The following CCT8 variants were observed in gnomAD, a reference collection of about 807,000 sequenced individuals.
The protein encoded by CCT8 is chaperonin containing TCP1 subunit 8, also known as T-complex protein 1 subunit theta.
CCT8 carries 10 observed loss-of-function variants against 65.7 expected under a neutral mutation model. That is an observed-to-expected ratio of 0.15 (90% CI 0.09 to 0.26). The LOEUF is 0.26. Among genes scored for constraint, CCT8 ranks in the 10% least tolerant of loss-of-function variants. The pLI is 1.00. For missense variants in CCT8, 568 were observed against 669.1 expected (o/e 0.85, Z 1.67); for synonymous variants, 199 against 221.8 (o/e 0.90, Z 0.92).
intron 13 of CCT8, 141 bp from the exon 14 acceptor site, chr21:29,060,801 T>C: frequency 1.1e-6 from 1 of 877,850 alleles, no homozygotes; most frequent in Non-Finnish European, 1.7e-6. Flanking sequence ...CATCCTTTAG[T>C]ATGTGAGGAT....
At chr21:29,068,066 T>C (rs1169225041) in intron 3 of CCT8, among the ~76,000 whole-genome samples, 1 of 152,234 alleles carries the variant, frequency 6.6e-6, no homozygotes, top group African/African-American at 2.4e-5. Context: ...AGAACTAAAA[T>C]AGATACCACT....
intron 7 of CCT8, among the ~76,000 whole-genome samples, chr21:29,064,144 C>T (rs890741950): frequency 2.6e-5 from 4 of 152,022 alleles, no homozygotes; most frequent in African/African-American, 7.2e-5. Context: ...GTTCCCAATA[C>T]AACATTGTGG....
chr21:29,061,461 GGAAA>G (rs1171790398), intron 12 of CCT8, 31 bp downstream of exon 12: 7 of 1,613,118 alleles, frequency 4.3e-6, no homozygotes, highest in African/African-American at 1.3e-5. Context: ...TTCAAGCAAT[GGAAA>G]GAAAGTCAAT....
rs985218585 is a variant in CCT8 at position 29,060,903 on chromosome 21, CCT to C, written c.1450-245_1450-244del. On this transcript the variant is annotated intron_variant, in intron 13 of 14. Coordinates refer to ENST00000286788, the MANE Select transcript of CCT8 (RefSeq NM_006585.4). ...GTGTTTGGATATAATCTATGCACAT[CCT>C]CTCATATACTTTAAATCGTCTCCAG... Among the ~76,000 whole-genome samples, 8 of 152,248 alleles carry C rather than the reference CCT, an allele frequency of 5.3e-5. No homozygotes were observed. The East Asian group carries it at 7.7e-4, about 15-fold the overall frequency.
At chr21:29,061,162 T>C in intron 13 of CCT8, 91 bp downstream of exon 13, 2 of 1,034,342 alleles carry the variant, frequency 1.9e-6, no homozygotes, top group Non-Finnish European at 2.9e-6. Context: ...CAGAACACTG[T>C]TTCTCATTGA....
intron 1 of CCT8, 182 bp downstream of exon 1, chr21:29,073,349 A>C: frequency 7.0e-7 from 1 of 1,425,416 alleles, no homozygotes; most frequent in Non-Finnish European, 9.2e-7. Context: ...GAAGAAGAGA[A>C]GTGCCCGCAG....
intron 7 of CCT8, among the ~76,000 whole-genome samples, chr21:29,064,589 T>C (rs2085601131): frequency 6.6e-6 from 1 of 152,140 alleles, no homozygotes; most frequent in Non-Finnish European, 1.5e-5. Flanking sequence ...CTTTCTAACA[T>C]GTATTTTTAG....
At chr21:29,061,617 C>T (rs1343851810) in intron 11 of CCT8, 50 bp from the exon 12 acceptor site, 2 of 1,563,202 alleles carry the variant, frequency 1.3e-6, no homozygotes, top group Admixed American at 1.7e-5. Flanking sequence ...AACAAATTCA[C>T]TAAAAATCAG....
chr21:29,065,257 A>G, intron 6 of CCT8, 152 bp from the exon 7 acceptor site: 3 of 727,304 alleles, frequency 4.1e-6, no homozygotes, highest in Admixed American at 2.7e-5. Flanking sequence ...AGTGGTGGAC[A>G]TACAGCACAC....
At chr21:29,063,273 T>C in intron 8 of CCT8, 79 bp downstream of exon 8, 3 of 1,084,376 alleles carry the variant, frequency 2.8e-6, no homozygotes, top group Non-Finnish European at 4.1e-6. Flanking sequence ...ACAGTCTTCA[T>C]GGTCTATTTC....
chr21:29,068,382 A>T (rs1601095366), intron 3 of CCT8, among the ~76,000 whole-genome samples: 1 of 152,144 alleles, frequency 6.6e-6, no homozygotes, highest in East Asian at 1.9e-4. Context: ...CACAGTGACA[A>T]ACCCTTGTAC....
chr21:29,062,999 G>A (rs535396575), intron 8 of CCT8: 4 of 330,268 alleles, frequency 1.2e-5, no homozygotes, highest in African/African-American at 8.4e-5. Context: ...GGGTTAAGTT[G>A]TCTAGTGTGC....
intron 1 of CCT8, chr21:29,072,073 C>T (rs1264119661): frequency 4.6e-6 from 3 of 649,236 alleles, no homozygotes; most frequent in Non-Finnish European, 8.3e-6. Flanking sequence ...GTCCCTGAGC[C>T]TGGCATTTCC....
chr21:29,062,066 C>T (rs2085569851), intron 11 of CCT8, 62 bp downstream of exon 11: 2 of 1,115,752 alleles, frequency 1.8e-6, no homozygotes, highest in Middle Eastern at 2.9e-4. Context: ...GCAAACTGTA[C>T]TTTTAAGACC....
chr21:29,063,144 G>A (rs557412691), intron 8 of CCT8, among the ~76,000 whole-genome samples: 3 of 152,200 alleles, frequency 2.0e-5, no homozygotes, highest in Non-Finnish European at 4.4e-5. Context: ...TCAATTATCT[G>A]GTAATTGGTT....
chr21:29,072,174 G>A (rs2085688209), intron 1 of CCT8: 1 of 563,818 alleles, frequency 1.8e-6, no homozygotes, highest in Admixed American at 3.2e-5. Flanking sequence ...ACGTCTAAGT[G>A]TTCTGTCTAT....
At chr21:29,062,830 T>G in intron 8 of CCT8, 1 of 476,766 alleles carries the variant, frequency 2.1e-6, no homozygotes, top group East Asian at 3.6e-5. Flanking sequence ...CACTTTAGGA[T>G]GTCAGTGGTT....
intron 11 of CCT8, 135 bp downstream of exon 11, chr21:29,061,993 A>C (rs1026475490): frequency 1.5e-6 from 1 of 648,460 alleles, no homozygotes; most frequent in South Asian, 2.1e-5. Flanking sequence ...GGTAAAAACA[A>C]AAACAGGTGC....
chr21:29,066,644 TGC>T, intron 6 of CCT8, 70 bp downstream of exon 6: 3 of 920,654 alleles, frequency 3.3e-6, no homozygotes, highest in East Asian at 2.5e-5. Context: ...TTTTTTTTTT[TGC>T]ACAAAAAAAC....
Sources: allele counts gnomAD v4.1 joint callset (sites outside exome capture counted in the v4.1 genomes callset), GRCh38; gene constraint gnomAD v4.1.1; transcripts MANE v1.5; gene names NCBI Gene and HGNC (gene_info 2026-07-23, HGNC 2026-07-21).